SNAP91: variants seen among roughly 807,000 people sequenced by gnomAD.
SNAP91 encodes synaptosome associated protein 91, also known as clathrin coat assembly protein AP180.
A neutral mutation model predicts 100.3 loss-of-function variants in SNAP91; 27 were observed. The observed-to-expected ratio is 0.27, with a 90% CI of 0.20 to 0.37. SNAP91 has a LOEUF of 0.37. SNAP91 is among the 10% of genes least tolerant of loss of function. The probability of loss-of-function intolerance (pLI) is 1.00; values close to 1 mark genes in which losing one functional copy is unlikely to be tolerated. For synonymous variants in SNAP91, 404 were observed against 398.6 expected (o/e 1.01, Z -0.16); for missense variants, 986 against 1,123.7 (o/e 0.88, Z 1.75).
At chr6:83,708,020 G>A (rs1438787830) in intron 1 of SNAP91, 63 bp from the exon 2 acceptor site, 2 of 1,391,226 alleles carry the variant, frequency 1.4e-6, no homozygotes, top group Non-Finnish European at 1.9e-6. Flanking sequence ...CAAGCACCCA[G>A]GCCTTGCCTC....
chr6:83,617,529 G>A (rs1304617841), intron 9 of SNAP91, among the ~76,000 whole-genome samples: 1 of 151,682 alleles, frequency 6.6e-6, no homozygotes, highest in African/African-American at 2.4e-5. Context: ...GTGAGTGAGA[G>A]TTGTGGGGAA....
Position 83,580,632 on chromosome 6 carries a change from T to C in SNAP91, c.2150-33A>G, listed in dbSNP as rs772306634. 3 of 1,546,974 alleles carry C rather than the reference T, an allele frequency of 1.9e-6. No homozygotes were observed. In the South Asian group the frequency reaches 3.7e-5, roughly 19 times the overall value. ...TCAAATAGACTAGGTTCAGAATAAT[T>C]GAAAACAAAAAAAGATCATATGCGA... On this transcript the variant is annotated intron_variant, in intron 23 of 29. Coordinates refer to ENST00000369694, the MANE Select transcript of SNAP91 (RefSeq NM_001242792.2).
chr6:83,603,708 T>A (rs2128259038), intron 14 of SNAP91, among the ~76,000 whole-genome samples: 1 of 152,304 alleles, frequency 6.6e-6, no homozygotes, highest in Non-Finnish European at 1.5e-5. Context: ...TTCTCAAGGA[T>A]AATGAGAAAG....
chr6:83,640,955 C>T, intron 8 of SNAP91, 141 bp downstream of exon 8: 3 of 473,222 alleles, frequency 6.3e-6, no homozygotes, highest in South Asian at 4.6e-5. Context: ...AAAGTCACTT[C>T]CAACCTTAAT....
chr6:83,694,054 G>A (rs919408315), intron 2 of SNAP91, among the ~76,000 whole-genome samples: 4 of 152,208 alleles, frequency 2.6e-5, no homozygotes, highest in African/African-American at 9.6e-5. Flanking sequence ...AATATGCAGT[G>A]AGTCCACTGA....
intron 7 of SNAP91, among the ~76,000 whole-genome samples, chr6:83,656,523 G>GA (rs1410973237): frequency 6.6e-6 from 1 of 152,114 alleles, no homozygotes; most frequent in Non-Finnish European, 1.5e-5. Context: ...TTTACTAGGG[G>GA]TGGTTAGCAG....
intron 16 of SNAP91, among the ~76,000 whole-genome samples, chr6:83,596,502 T>C (rs1239072871): frequency 6.6e-6 from 1 of 152,148 alleles, no homozygotes; most frequent in Non-Finnish European, 1.5e-5. Flanking sequence ...CCAATAATAT[T>C]GCAAAGAGTA....
At chr6:83,613,175 T>TACTGTCTCTG (rs2128326238) in intron 11 of SNAP91, among the ~76,000 whole-genome samples, 1 of 152,284 alleles carries the variant, frequency 6.6e-6, no homozygotes, top group East Asian at 1.9e-4. Context: ...AAAACCCTCC[T>TACTGTCTCTG]ACTGTCTCTG....
At chr6:83,568,377 G>T (rs1800536946) in intron 26 of SNAP91, among the ~76,000 whole-genome samples, 1 of 152,038 alleles carries the variant, frequency 6.6e-6, no homozygotes, top group Non-Finnish European at 1.5e-5. Flanking sequence ...GATAGCATTA[G>T]GAGATATACC....
At chr6:83,626,915 G>C (rs1034685601) in intron 8 of SNAP91, among the ~76,000 whole-genome samples, 1 of 151,974 alleles carries the variant, frequency 6.6e-6, no homozygotes, top group Non-Finnish European at 1.5e-5. Flanking sequence ...GTGAAAGTGG[G>C]CATCATTTTC....
intron 12 of SNAP91, among the ~76,000 whole-genome samples, chr6:83,608,699 A>AG (rs1329873899): frequency 1.3e-5 from 2 of 152,052 alleles, no homozygotes; most frequent in African/African-American, 4.8e-5. Flanking sequence ...GAATAATTTG[A>AG]GGAAAAAAAA....
intron 21 of SNAP91, among the ~76,000 whole-genome samples, 167 bp downstream of exon 21, chr6:83,592,285 AGAT>A (rs1476841671): frequency 6.6e-6 from 1 of 152,226 alleles, no homozygotes; most frequent in Non-Finnish European, 1.5e-5. Flanking sequence ...ATGAGGATGA[AGAT>A]GATGATGACG....
rs372948331 is a variant in SNAP91 at position 83,593,610 on chromosome 6, C to T, written c.1564G>A (p.Ala522Thr). ...ASTAPPVPAT[A>T]PSPAPAVAAA... The stretch of plus-strand genomic sequence containing the variant: ...GCAACGGCAGGAGCAGGAGAAGGAG[C>T]AGTTGCGGGAACTGGAGGGGCTGTG... The change falls in exon 18 of 30, where the codon GCT (alanine) becomes ACT (threonine). Residue 522 changes from alanine to threonine, a missense_variant. Ala to Thr is a moderately conservative substitution (Grantham distance 58). Transcript: ENST00000369694. The T allele has an allele frequency of 2.5e-6, 4 of 1,596,018 alleles. No individual in the cohort carries two copies. The African/African-American group carries it at 5.4e-5, about 21-fold the overall frequency.
At chr6:83,691,511 C>T (rs2099129878) in intron 2 of SNAP91, among the ~76,000 whole-genome samples, 1 of 152,042 alleles carries the variant, frequency 6.6e-6, no homozygotes, top group Non-Finnish European at 1.5e-5. Context: ...ATTAACTTCC[C>T]TACTAGATCA....
intron 2 of SNAP91, chr6:83,678,766 C>A: frequency 8.5e-6 from 11 of 1,289,580 alleles, no homozygotes; most frequent in Non-Finnish European, 1.1e-5. Context: ...TTTGGCCTTA[C>A]CAAAGCCTTA....
At chr6:83,687,141 C>G (rs1029624675) in intron 2 of SNAP91, among the ~76,000 whole-genome samples, 1 of 152,138 alleles carries the variant, frequency 6.6e-6, no homozygotes, top group Non-Finnish European at 1.5e-5. Flanking sequence ...TAATCTCATA[C>G]TTGGGTTTGA....
intron 2 of SNAP91, among the ~76,000 whole-genome samples, chr6:83,678,540 A>G (rs976077797): frequency 1.2e-4 from 18 of 152,188 alleles, no homozygotes; most frequent in Non-Finnish European, 2.4e-4. Context: ...TATGTTTCCT[A>G]AAAATAAATA....
intron 2 of SNAP91, among the ~76,000 whole-genome samples, chr6:83,690,924 G>A (rs1381499069): frequency 1.3e-5 from 2 of 152,034 alleles, no homozygotes; most frequent in Non-Finnish European, 2.9e-5. Context: ...CTATGATGTA[G>A]AAATTGCTAA....
intron 2 of SNAP91, among the ~76,000 whole-genome samples, chr6:83,691,557 A>G (rs894720823): frequency 6.6e-6 from 1 of 152,090 alleles, no homozygotes; most frequent in Non-Finnish European, 1.5e-5. Flanking sequence ...TTGTTCCTCA[A>G]TGGCAATTTA....
Sources: gnomAD v4.1 joint callset for allele counts (sites outside exome capture counted in the v4.1 genomes callset) on GRCh38, gnomAD v4.1.1 for gene constraint, MANE v1.5 for transcripts, NCBI Gene and HGNC (gene_info 2026-07-23, HGNC 2026-07-21) for gene names.